The following ANKRD6 variants were observed in gnomAD, a reference collection of about 807,000 sequenced individuals.
ANKRD6 encodes ankyrin repeat domain 6, also known as ankyrin repeat domain-containing protein 6.
ANKRD6 carries 56 observed loss-of-function variants against 82.3 expected under a neutral mutation model. The observed-to-expected ratio is 0.68, with a 90% CI of 0.55 to 0.85. The LOEUF is 0.85. Ranked by LOEUF, ANKRD6 falls within the 40% of genes least tolerant of loss-of-function variation. The pLI, the probability that ANKRD6 is intolerant of heterozygous loss-of-function variation, is 0.00. For synonymous variants in ANKRD6, 347 were observed against 352.1 expected (o/e 0.99, Z 0.16); for missense variants, 852 against 907.6 (o/e 0.94, Z 0.79).
At chr6:89,626,628 C>T (rs764342105) in intron 13 of ANKRD6, among the ~76,000 whole-genome samples, 2 of 152,188 alleles carry the variant, frequency 1.3e-5, no homozygotes, top group African/African-American at 2.4e-5. Flanking sequence ...TGGAATGCCA[C>T]GTGTGTCCCT....
At chr6:89,532,849 G>C (rs960230959) in intron 1 of ANKRD6, among the ~76,000 whole-genome samples, 1 of 151,366 alleles carries the variant, frequency 6.6e-6, no homozygotes, top group Non-Finnish European at 1.5e-5. Context: ...TCACAGCCAT[G>C]TGCCACCATG....
intron 1 of ANKRD6, among the ~76,000 whole-genome samples, chr6:89,502,664 T>G (rs1256272268): frequency 2.6e-5 from 4 of 152,228 alleles, no homozygotes; most frequent in Non-Finnish European, 5.9e-5. Context: ...TGATCCTTGC[T>G]TTCCTTACCT....
At chr6:89,486,775 T>C (rs974841066) in intron 1 of ANKRD6, among the ~76,000 whole-genome samples, 2 of 152,140 alleles carry the variant, frequency 1.3e-5, no homozygotes, top group Non-Finnish European at 2.9e-5. Flanking sequence ...GTTCTGTCAA[T>C]GGCCCTCTTC....
At chr6:89,497,956 A>C (rs1778832643) in intron 1 of ANKRD6, among the ~76,000 whole-genome samples, 1 of 152,186 alleles carries the variant, frequency 6.6e-6, no homozygotes, top group African/African-American at 2.4e-5. Context: ...ATTACATATA[A>C]ATAGAATCAG....
At chr6:89,500,137 C>G (rs938985111) in intron 1 of ANKRD6, among the ~76,000 whole-genome samples, 1 of 152,108 alleles carries the variant, frequency 6.6e-6, no homozygotes, top group African/African-American at 2.4e-5. Flanking sequence ...AGTTGATGAC[C>G]TTGATGCTTC....
At chr6:89,468,631 G>A (rs1471636980) in intron 1 of ANKRD6, among the ~76,000 whole-genome samples, 1 of 138,184 alleles carries the variant, frequency 7.2e-6, no homozygotes, top group East Asian at 2.2e-4. Flanking sequence ...AAAAGTCCGT[G>A]CATAATTTTC....
chr6:89,521,703 T>C (rs1781909985), intron 1 of ANKRD6, among the ~76,000 whole-genome samples: 1 of 152,096 alleles, frequency 6.6e-6, no homozygotes, highest in Admixed American at 6.5e-5. Flanking sequence ...CTGGTAGCAG[T>C]AGGCTGGAGA....
At chr6:89,520,346 T>C (rs922743855) in intron 1 of ANKRD6, among the ~76,000 whole-genome samples, 18 of 152,178 alleles carry the variant, frequency 1.2e-4, no homozygotes, top group African/African-American at 4.3e-4. Context: ...TTACATAGCC[T>C]CCTATATCAT....
chr6:89,472,310 G>A (rs1562578802), intron 1 of ANKRD6, among the ~76,000 whole-genome samples: 2 of 152,174 alleles, frequency 1.3e-5, no homozygotes, highest in South Asian at 4.2e-4. Context: ...TATCCTTTTG[G>A]GGGGCACCCA....
chr6:89,453,666 GC>G (rs1212112220), intron 1 of ANKRD6, among the ~76,000 whole-genome samples: 2 of 151,978 alleles, frequency 1.3e-5, no homozygotes, highest in Non-Finnish European at 2.9e-5. Context: ...TGCAACCTTT[GC>G]CTCCCAGGTT....
At chr6:89,479,409 A>G (rs1426875241) in intron 1 of ANKRD6, among the ~76,000 whole-genome samples, 2 of 152,194 alleles carry the variant, frequency 1.3e-5, no homozygotes, top group East Asian at 3.8e-4. Flanking sequence ...AACCAGAAAC[A>G]TCATTTGAAG....
chr6:89,527,823 G>A (rs1782688194), intron 1 of ANKRD6, among the ~76,000 whole-genome samples: 1 of 151,794 alleles, frequency 6.6e-6, no homozygotes, highest in South Asian at 2.1e-4. Context: ...GTTTTGTTTT[G>A]TTTTTTGACA....
chr6:89,599,261 T>G (rs1796563925), intron 3 of ANKRD6, among the ~76,000 whole-genome samples: 1 of 152,144 alleles, frequency 6.6e-6, no homozygotes, highest in Non-Finnish European at 1.5e-5. Flanking sequence ...TGGTCCCAGC[T>G]ACTCAGGAGG....
chr6:89,612,585 C>T (rs999892726), intron 6 of ANKRD6, among the ~76,000 whole-genome samples: 2 of 152,176 alleles, frequency 1.3e-5, no homozygotes, highest in Non-Finnish European at 2.9e-5. Flanking sequence ...TGCTTTTCTC[C>T]CATCATTTTC....
intron 1 of ANKRD6, among the ~76,000 whole-genome samples, chr6:89,473,366 G>A (rs112470865): frequency 0.094 from 14,233 of 150,648 alleles, 896 homozygotes; most frequent in South Asian, 0.2. Context: ...TCGCACCATT[G>A]CACTCCAGCC....
At chr6:89,522,493 G>A (rs1329568053) in intron 1 of ANKRD6, among the ~76,000 whole-genome samples, 1 of 152,144 alleles carries the variant, frequency 6.6e-6, no homozygotes, top group Non-Finnish European at 1.5e-5. Flanking sequence ...TTGATTGGGG[G>A]TGTCATCTTG....
At chr6:89,460,909 C>CTTTTTTTTTTTTTTTTT (rs143153320) in intron 1 of ANKRD6, among the ~76,000 whole-genome samples, 3 of 135,898 alleles carry the variant, frequency 2.2e-5, no homozygotes, top group African/African-American at 5.6e-5. Context: ...TTTTGGAATT[C>CTTTTTTTTTTTTTTTTT]TTTTTTTTTG....
intron 1 of ANKRD6, among the ~76,000 whole-genome samples, chr6:89,556,052 G>A (rs1583259528): frequency 6.6e-6 from 1 of 152,210 alleles, no homozygotes; most frequent in African/African-American, 2.4e-5. Flanking sequence ...CACAGAGGAA[G>A]AGCAGTCCAT....
At chr6:89,445,423 A>G (rs1322052495) in intron 1 of ANKRD6, among the ~76,000 whole-genome samples, 1 of 151,216 alleles carries the variant, frequency 6.6e-6, no homozygotes, top group Non-Finnish European at 1.5e-5. Context: ...GGCACGTGCC[A>G]CCATGCCCGG....
Sources: allele counts gnomAD v4.1 joint callset (sites outside exome capture counted in the v4.1 genomes callset), GRCh38; gene constraint gnomAD v4.1.1; transcripts MANE v1.5; gene names NCBI Gene and HGNC (gene_info 2026-07-23, HGNC 2026-07-21).